Variants in DNMT1 observed in about 807,000 individuals in gnomAD.
DNMT1 encodes DNA (cytosine-5)-methyltransferase 1.
DNMT1 carries 24 observed loss-of-function variants against 205.3 expected under a neutral mutation model. The ratio of observed to expected loss-of-function variants is 0.12; its 90% CI spans 0.08 to 0.16. The LOEUF is 0.16. Ranked by LOEUF, DNMT1 falls within the 10% of genes least tolerant of loss-of-function variation. DNMT1 has a pLI of 1.00. For missense variants in DNMT1, 1,293 were observed against 2,177.7 expected (o/e 0.59, Z 8.09); for synonymous variants, 817 against 839.8 (o/e 0.97, Z 0.47).
rs1269997956 is a variant in DNMT1 at position 10,194,872 on chromosome 19, C to T, written c.28G>A (p.Val10Met). Residue 10 changes from valine (V) to methionine (M), a missense_variant, in exon 1 of 41, where the codon GTG (valine) becomes ATG (methionine). Coordinates refer to ENST00000359526, the MANE Select transcript of DNMT1 (RefSeq NM_001130823.3). ...ATGGCCGGGACGGCCAGTGTGGGCA[C>T]CCGGGCTGGGGCGGTACGCGCCGGC... MPARTAPAR[V>M]PTLAVPAISL... 4 of 1,611,054 alleles carry T rather than the reference C, an allele frequency of 2.5e-6. No homozygotes were observed. In the East Asian group the frequency reaches 6.7e-5, roughly 27 times the overall value.
At chr19:10,153,644 A>T (rs200973499) in intron 22 of DNMT1, among the ~76,000 whole-genome samples, 6 of 93,866 alleles carry the variant, frequency 6.4e-5, no homozygotes, top group Non-Finnish European at 1.3e-4. Context: ...CAAAAAAATT[A>T]AAAAAAAAAA....
Position 10,138,314 on chromosome 19 carries a change from C to A in DNMT1, c.4115+125G>T. On this transcript the variant is annotated intron_variant, in intron 35 of 40. Coordinates refer to ENST00000359526, the MANE Select transcript of DNMT1 (RefSeq NM_001130823.3). The surrounding 1 kb of genome is among the most constrained non-coding windows in gnomAD (Gnocchi z 4.1). Reference sequence around the variant, plus strand: ...TGGCAGAGTGCCATGTGGCAGAGCACCGTGTGGCAGGGCAGATGCTGTACC... The same window carrying A: ...TGGCAGAGTGCCATGTGGCAGAGCAACGTGTGGCAGGGCAGATGCTGTACC... The A allele has an allele frequency of 6.9e-7, 1 of 1,454,862 alleles. No homozygotes were observed. Among genetic ancestry groups the A allele is most frequent in the Non-Finnish European group, 9.4e-7 (1 of 1,058,798 alleles). 90.1% of individuals were successfully genotyped at this position (1,454,862 alleles called of 1,614,324 possible).
At chr19:10,182,951 T>C (rs66653469) in intron 1 of DNMT1, among the ~76,000 whole-genome samples, 19,993 of 147,906 alleles carry the variant, frequency 0.14, 1,903 homozygotes, top group East Asian at 0.4. Flanking sequence ...CAGGCATGAG[T>C]CACCATGTCT....
At chr19:10,163,119 A>C in intron 12 of DNMT1, 1 of 629,172 alleles carries the variant, frequency 1.6e-6, no homozygotes. Flanking sequence ...CCGCCACCAC[A>C]CCCAGCTAAT....
At chr19:10,155,428 G>C (rs903548882) in intron 19 of DNMT1, among the ~76,000 whole-genome samples, 1 of 151,796 alleles carries the variant, frequency 6.6e-6, no homozygotes, top group South Asian at 2.1e-4. Context: ...ACCTCTGTCT[G>C]CTGGGTTCAC....
At chr19:10,164,745 T>C (rs2038648328) in intron 11 of DNMT1, among the ~76,000 whole-genome samples, 1 of 151,400 alleles carries the variant, frequency 6.6e-6, no homozygotes, top group Non-Finnish European at 1.5e-5. Flanking sequence ...CTGGCCAACA[T>C]GGTGAATCCC....
chr19:10,149,435 G>C lies in DNMT1; in HGVS notation c.2586+18C>G. 1 of 1,613,976 alleles carries C rather than the reference G, an allele frequency of 6.2e-7. No individual in the cohort carries two copies. The highest frequency in any genetic ancestry group is 8.5e-7 in the Non-Finnish European group (1 of 1,179,920). Reference sequence around the variant, plus strand: ...TCCACGATAAGGCAGGGGCTCACGAGGGACACCAGGCACTCACCTCCATGG... The same window carrying C: ...TCCACGATAAGGCAGGGGCTCACGACGGACACCAGGCACTCACCTCCATGG... On this transcript the variant is annotated intron_variant, in intron 26 of 40. Coordinates refer to ENST00000359526, the MANE Select transcript of DNMT1 (RefSeq NM_001130823.3).
At chr19:10,172,006 CAA>C (rs913252862) in intron 9 of DNMT1, among the ~76,000 whole-genome samples, 1 of 132,218 alleles carries the variant, frequency 7.6e-6, no homozygotes, top group Non-Finnish European at 1.6e-5. Flanking sequence ...GAGACTGTCT[CAA>C]AAAAAAAAAA....
intron 5 of DNMT1, among the ~76,000 whole-genome samples, chr19:10,177,764 C>T (rs551983232): frequency 6.6e-6 from 1 of 152,040 alleles, no homozygotes; most frequent in Non-Finnish European, 1.5e-5. Flanking sequence ...ACCCCCATCT[C>T]TACTAAAAAT....
intron 1 of DNMT1, among the ~76,000 whole-genome samples, chr19:10,186,726 T>G (rs1211891546): frequency 1.3e-5 from 2 of 149,812 alleles, no homozygotes; most frequent in African/African-American, 4.9e-5. Flanking sequence ...TAATCCCAGC[T>G]ACTCAGGAGG....
Position 10,188,084 on chromosome 19 carries a change from C to T in DNMT1, c.81-6007G>A, listed in dbSNP as rs59921465. Among the ~76,000 whole-genome samples, 268 of 152,302 alleles carry T rather than the reference C, an allele frequency of 1.8e-3. 6 individuals are homozygous for T. In the East Asian group the frequency reaches 0.047, roughly 27 times the overall value. The stretch of plus-strand genomic sequence containing the variant: ...TAGAGCCCAGTGAGCTATAATTGTG[C>T]CGCTGCATTCCAGCCTGGGTGACAC... On this transcript the variant is annotated intron_variant, in intron 1 of 40. Transcript: ENST00000359526.
chr19:10,190,376 AGTGTTATAAT>A, intron 1 of DNMT1, among the ~76,000 whole-genome samples: 1 of 152,294 alleles, frequency 6.6e-6, no homozygotes, highest in South Asian at 2.1e-4. Context: ...CACTAATTTC[AGTGTTATAAT>A]GGCACCATGC....
At chr19:10,149,072 C>G (rs576195742) in intron 26 of DNMT1, 55 bp from the exon 27 acceptor site, 179 of 1,608,298 alleles carry the variant, frequency 1.1e-4, no homozygotes, top group Admixed American at 7.9e-4. Context: ...GCCTGTATTC[C>G]CAGCACTATG....
Position 10,177,364 on chromosome 19 carries a change from T to C in DNMT1, c.497A>G (p.Glu166Gly), listed in dbSNP as rs756038357. 1.0e-4 allele frequency: 165 copies of C among 1,613,332 alleles called. No homozygotes were observed. Among genetic ancestry groups the C allele is most frequent in the Non-Finnish European group, 5.1e-6 (6 of 1,179,902 alleles). Reference protein sequence around the residue: ...SASQVTGIRAEPSPSPRITRK... With the variant: ...SASQVTGIRAGPSPSPRITRK... ...TGTAATCCTGGGGCTAGGTGAAGGT[T>C]CAGCTGTTTAAAGAAGAAAAAGCAT... The change falls in exon 6 of 41, where the codon GAA (glutamate) becomes GGA (glycine). Residue 166 changes from glutamate to glycine, a missense_variant. Around this residue, in one of 13 missense-constraint regions of DNMT1, gnomAD observed 394 missense variants for 451.6 expected, o/e 0.87. Transcript: ENST00000359526.
intron 5 of DNMT1, among the ~76,000 whole-genome samples, chr19:10,179,004 C>G (rs1044623533): frequency 6.6e-6 from 1 of 151,072 alleles, no homozygotes; most frequent in African/African-American, 2.4e-5. Context: ...TGGCGGGCGC[C>G]TGTAGTCCCA....
At chr19:10,180,283 G>C in intron 4 of DNMT1, 49 bp from the exon 5 acceptor site, 1 of 1,576,712 alleles carries the variant, frequency 6.3e-7, no homozygotes, top group Non-Finnish European at 8.6e-7. Context: ...CTGTGCTCCA[G>C]ACTGGGCAAC....
chr19:10,189,222 C>T (rs1039640012), intron 1 of DNMT1, among the ~76,000 whole-genome samples: 1 of 151,254 alleles, frequency 6.6e-6, no homozygotes, highest in African/African-American at 2.4e-5. Flanking sequence ...CAAGTTCAAG[C>T]AATTTTCCTG....
chr19:10,162,620 GAA>G lies in DNMT1; in HGVS notation c.1008+45_1008+46del, dbSNP rs573823039. 90,524 of 1,269,846 alleles carry G rather than the reference GAA, an allele frequency of 0.071. 2 individuals carry two copies. The highest frequency in any genetic ancestry group is 0.089 in the East Asian group (3,231 of 36,316). 78.7% of individuals were successfully genotyped at this position (1,269,846 alleles called of 1,614,324 possible). On this transcript the variant is annotated intron_variant, in intron 13 of 40. Transcript: ENST00000359526. Reference sequence around the variant, plus strand: ...CAACATGGCGAAACCCCGTCTTGGGGAAAAAAAAAAAAAAAAAAAAGAAAGAA... The same window carrying G: ...CAACATGGCGAAACCCCGTCTTGGGGAAAAAAAAAAAAAAAAAAGAAAGAA...
intron 6 of DNMT1, among the ~76,000 whole-genome samples, chr19:10,175,999 C>T (rs1485851390): frequency 1.3e-5 from 2 of 152,090 alleles, no homozygotes; most frequent in Non-Finnish European, 2.9e-5. Flanking sequence ...AAAACCCTGT[C>T]TCTACCAAAA....
Sources: allele counts gnomAD v4.1 joint callset (sites outside exome capture counted in the v4.1 genomes callset), GRCh38; gene constraint gnomAD v4.1.1; regional missense constraint gnomAD v4.1.1; non-coding constraint Gnocchi (gnomAD v3.1); transcripts MANE v1.5; gene names NCBI Gene and HGNC (gene_info 2026-07-23, HGNC 2026-07-21).